The following EMB variants were observed in gnomAD, a reference collection of about 807,000 sequenced individuals.
EMB encodes the protein embigin, also known as embigin homolog.
EMB carries 31 observed loss-of-function variants against 41.4 expected under a neutral mutation model. That is an observed-to-expected ratio of 0.75 (90% CI 0.56 to 1.01). The LOEUF is 1.01. Ranked by LOEUF, EMB falls within the 50% of genes least tolerant of loss-of-function variation. EMB has a pLI of 0.00. For synonymous variants in EMB, 137 were observed against 140.4 expected (o/e 0.98, Z 0.17); for missense variants, 379 against 388.3 (o/e 0.98, Z 0.20).
Position 50,399,857 on chromosome 5 carries a change from A to C in EMB, c.966+2T>G. On this transcript the variant is annotated splice_donor_variant, in intron 8 of 8. Transcript: ENST00000303221. LOFTEE classifies it high-confidence loss of function. ...TTGGAATATCATTCAGAAGTAACTT[A>C]CATTTTTTCTATGCCTGGGGACATT... 2 of 1,600,564 alleles carry C rather than the reference A, an allele frequency of 1.2e-6. No individual in the cohort carries two copies. The highest frequency in any genetic ancestry group is 4.5e-5 in the East Asian group (2 of 44,572).
At chr5:50,421,901 G>T (rs1480333103) in intron 2 of EMB, among the ~76,000 whole-genome samples, 11 of 125,500 alleles carry the variant, frequency 8.8e-5, no homozygotes, top group African/African-American at 3.3e-4. Context: ...GTTGTGGGGT[G>T]GGGGGAGGGG....
At chr5:50,402,876 C>CAAAAAAAAAA (rs564451334) in intron 6 of EMB, among the ~76,000 whole-genome samples, 7 of 54,600 alleles carry the variant, frequency 1.3e-4, no homozygotes, top group Non-Finnish European at 2.2e-4. Context: ...CCAGTAGCAC[C>CAAAAAAAAAA]AAAAAAAAAA....
At chr5:50,423,653 G>A (rs962543160) in intron 2 of EMB, among the ~76,000 whole-genome samples, 1 of 151,964 alleles carries the variant, frequency 6.6e-6, no homozygotes, top group African/African-American at 2.4e-5. Flanking sequence ...TTCCACAGAG[G>A]GTTTTTCATT....
In EMB at chr5:50,415,137, G is replaced by T. The variant is rs768051551; in HGVS notation, c.197-3754C>A. Among the ~76,000 whole-genome samples the T allele has an allele frequency of 2.6e-5, 4 of 152,098 alleles. No homozygotes were observed. The South Asian group carries it at 6.2e-4, about 24-fold the overall frequency. On this transcript the variant is annotated intron_variant, in intron 2 of 8. Coordinates refer to ENST00000303221, the MANE Select transcript of EMB (RefSeq NM_198449.3). Reference sequence around the variant, plus strand: ...GACCTATAACACTGAATCACATGCAGTAGTATTTAGTTGATTCTACCGCTA... The same window carrying T: ...GACCTATAACACTGAATCACATGCATTAGTATTTAGTTGATTCTACCGCTA...
intron 1 of EMB, among the ~76,000 whole-genome samples, chr5:50,429,923 C>T (rs1745684651): frequency 6.6e-6 from 1 of 151,464 alleles, no homozygotes; most frequent in Admixed American, 6.6e-5. Context: ...TGTCTTTTCA[C>T]CCCTTTTCTC....
intron 2 of EMB, among the ~76,000 whole-genome samples, chr5:50,413,072 GCA>G (rs373424039): frequency 4.0e-5 from 6 of 151,218 alleles, no homozygotes; most frequent in Admixed American, 3.3e-4. Context: ...GCGCCCACGC[GCA>G]CACACACACA....
intron 4 of EMB, among the ~76,000 whole-genome samples, chr5:50,407,268 T>C (rs1299551937): frequency 1.3e-5 from 2 of 151,994 alleles, no homozygotes; most frequent in African/African-American, 4.8e-5. Context: ...AGGTAATTCT[T>C]GGGGAAAAAC....
chr5:50,431,894 GT>G (rs1278479211), intron 1 of EMB, among the ~76,000 whole-genome samples: 2 of 152,098 alleles, frequency 1.3e-5, no homozygotes, highest in Non-Finnish European at 2.9e-5. Flanking sequence ...ATTTTCACCT[GT>G]TATAATTTTC....
At chr5:50,435,867 A>G (rs1288573754) in intron 1 of EMB, among the ~76,000 whole-genome samples, 2 of 152,056 alleles carry the variant, frequency 1.3e-5, no homozygotes, top group Non-Finnish European at 2.9e-5. Context: ...TTGATGCTCA[A>G]TTTTGTCCCA....
chr5:50,426,383 T>A (rs1579738756), intron 2 of EMB, among the ~76,000 whole-genome samples: 1 of 152,226 alleles, frequency 6.6e-6, no homozygotes, highest in African/African-American at 2.4e-5. Flanking sequence ...GTCAACATCA[T>A]GAGTTTGTTA....
chr5:50,413,085 C>A (rs577663678), intron 2 of EMB, among the ~76,000 whole-genome samples: 2 of 152,106 alleles, frequency 1.3e-5, no homozygotes, highest in Admixed American at 1.3e-4. Flanking sequence ...CACACACACA[C>A]TTAGGGAAAA....
At chr5:50,416,287 TTTG>T (rs1745430690) in intron 2 of EMB, among the ~76,000 whole-genome samples, 1 of 152,212 alleles carries the variant, frequency 6.6e-6, no homozygotes, top group African/African-American at 2.4e-5. Flanking sequence ...ACGATAACAA[TTTG>T]TTGTTTTTGA....
intron 1 of EMB, among the ~76,000 whole-genome samples, chr5:50,435,828 G>C (rs996176822): frequency 6.6e-6 from 1 of 151,852 alleles, no homozygotes; most frequent in Admixed American, 6.6e-5. Context: ...TATTAAATGG[G>C]TTACAATCCA....
At chr5:50,425,409 G>A (rs1341397190) in intron 2 of EMB, among the ~76,000 whole-genome samples, 1 of 151,976 alleles carries the variant, frequency 6.6e-6, no homozygotes, top group Non-Finnish European at 1.5e-5. Flanking sequence ...GTTGGTCAAG[G>A]AAACTGTCAG....
At position 50,411,225 on chromosome 5, in the gene EMB, T is replaced by A; in HGVS notation, c.355A>T (p.Thr119Ser). The change falls in exon 3 of 9, where the codon ACA (threonine) becomes TCA (serine). Residue 119 changes from threonine to serine, a missense_variant. Transcript: ENST00000303221. ...QLENNYLVSA[T>S]GSTLYTQYRF... is the part of the protein sequence containing the mutation. ...TATTGGGTATACAAGGTGCTTCCTG[T>A]TGCACTGACAAGATAATTATTCTCA... 1 of 1,612,556 alleles carries A rather than the reference T, an allele frequency of 6.2e-7. No homozygotes were observed. Among genetic ancestry groups the A allele is most frequent in the African/African-American group, 1.3e-5 (1 of 74,986 alleles).
intron 2 of EMB, among the ~76,000 whole-genome samples, chr5:50,420,001 G>A (rs1745491672): frequency 6.7e-6 from 1 of 150,066 alleles, no homozygotes; most frequent in African/African-American, 2.5e-5. Flanking sequence ...GACACAGGGA[G>A]GGGAACAACA....
intron 2 of EMB, among the ~76,000 whole-genome samples, chr5:50,420,250 C>T (rs1001337327): frequency 6.6e-6 from 1 of 152,158 alleles, no homozygotes; most frequent in Non-Finnish European, 1.5e-5. Flanking sequence ...TCAGCACACA[C>T]CAGATCAAGA....
chr5:50,413,904 TC>T (rs1165842259), intron 2 of EMB, among the ~76,000 whole-genome samples: 1 of 152,128 alleles, frequency 6.6e-6, no homozygotes, highest in Non-Finnish European at 1.5e-5. Flanking sequence ...GAGAGAGATG[TC>T]TTTGTATCGG....
chr5:50,426,941 G>A (rs1296322405), intron 2 of EMB, among the ~76,000 whole-genome samples: 2 of 149,128 alleles, frequency 1.3e-5, no homozygotes, highest in East Asian at 1.9e-4. Flanking sequence ...GCACCTGCCC[G>A]GGGCTAATAC....
Sources: gnomAD v4.1 joint callset for allele counts (sites outside exome capture counted in the v4.1 genomes callset) on GRCh38, gnomAD v4.1.1 for gene constraint, MANE v1.5 for transcripts, NCBI Gene and HGNC (gene_info 2026-07-23, HGNC 2026-07-21) for gene names.